Variants in CNTN4 observed in about 807,000 individuals in gnomAD.
CNTN4 encodes contactin-4.
CNTN4 carries 77 observed loss-of-function variants against 122.5 expected under a neutral mutation model. That is an observed-to-expected ratio of 0.63 (90% CI 0.52 to 0.76). CNTN4 has a LOEUF of 0.76. CNTN4 is among the 30% of genes least tolerant of loss of function. The probability of loss-of-function intolerance (pLI) is 0.00; values close to 1 mark genes in which losing one functional copy is unlikely to be tolerated. For missense variants in CNTN4, 1,256 were observed against 1,259.1 expected, an observed-to-expected ratio of 1.00 and a Z score of 0.04; for synonymous variants, 512 against 447.0, an observed-to-expected ratio of 1.15 and a Z score of -1.83.
intron 8 of CNTN4, among the ~76,000 whole-genome samples, chr3:2,879,440 G>A (rs2093882056): frequency 6.6e-6 from 1 of 152,076 alleles, no homozygotes; most frequent in African/African-American, 2.4e-5. Context: ...AGCATCTCTA[G>A]GAAACTAATA....
chr3:2,274,157 CA>C (rs2041408438), intron 2 of CNTN4, among the ~76,000 whole-genome samples: 1 of 152,012 alleles, frequency 6.6e-6, no homozygotes, highest in Non-Finnish European at 1.5e-5. Context: ...CCGAGGCAGA[CA>C]AATCACTTGA....
intron 7 of CNTN4, among the ~76,000 whole-genome samples, chr3:2,838,692 C>A (rs114238178): frequency 3.3e-5 from 5 of 152,126 alleles, no homozygotes; most frequent in African/African-American, 9.7e-5. Context: ...ACTAATGATT[C>A]CCTGCTGACT....
chr3:2,274,977 A>G (rs971810894), intron 2 of CNTN4, among the ~76,000 whole-genome samples: 1 of 152,228 alleles, frequency 6.6e-6, no homozygotes, highest in East Asian at 1.9e-4. Context: ...AGAATAAATT[A>G]CTGCAAATCC....
intron 3 of CNTN4, among the ~76,000 whole-genome samples, chr3:2,440,720 A>G (rs2048404082): frequency 6.6e-6 from 1 of 151,220 alleles, no homozygotes; most frequent in South Asian, 2.1e-4. Flanking sequence ...ACGTATGTAT[A>G]TACACACATA....
At chr3:2,485,190 C>T (rs2076118199) in intron 3 of CNTN4, among the ~76,000 whole-genome samples, 1 of 152,252 alleles carries the variant, frequency 6.6e-6, no homozygotes, top group Non-Finnish European at 1.5e-5. Context: ...GAGCCTCTCC[C>T]CCTGTGGCTG....
chr3:2,642,280 G>C (rs901415444), intron 4 of CNTN4, among the ~76,000 whole-genome samples: 5 of 152,178 alleles, frequency 3.3e-5, no homozygotes, highest in African/African-American at 9.7e-5. Context: ...GTTCAGTCTT[G>C]CTACACTCTG....
At chr3:2,765,556 A>G (rs543661703) in intron 6 of CNTN4, among the ~76,000 whole-genome samples, 5 of 152,296 alleles carry the variant, frequency 3.3e-5, no homozygotes, top group Admixed American at 2.6e-4. Context: ...CCTGCTGTGT[A>G]TTTTTAATTT....
At chr3:2,683,306 CAT>C (rs1266196832) in intron 4 of CNTN4, among the ~76,000 whole-genome samples, 1 of 145,642 alleles carries the variant, frequency 6.9e-6, no homozygotes, top group Middle Eastern at 3.2e-3. Context: ...CCCAAATCCA[CAT>C]CTCTCACCTG....
intron 3 of CNTN4, among the ~76,000 whole-genome samples, chr3:2,565,520 C>A (rs1016124127): frequency 6.6e-6 from 1 of 152,172 alleles, no homozygotes; most frequent in South Asian, 2.1e-4. Context: ...ACAGGACATA[C>A]AGATGACCTG....
chr3:2,405,595 GTAGATAGATAGA>G lies in CNTN4; in HGVS notation c.-89+66394_-89+66405del, dbSNP rs61138023. On this transcript the variant is annotated intron_variant, in intron 3 of 24. Coordinates refer to ENST00000418658, the MANE Select transcript of CNTN4 (RefSeq NM_175607.3). ...TGCGAACCCATACTGTTATAGATAG[GTAGATAGATAGA>G]TAGATAGATAGATAGATAGATAGAT... 7.6e-3 allele frequency among the ~76,000 whole-genome samples: 1,137 copies of G among 150,102 alleles called. 13 individuals carry two copies. The highest frequency in any genetic ancestry group is 0.024 in the African/African-American group (970 of 40,932).
chr3:2,372,961 C>G (rs1365062823), intron 3 of CNTN4, among the ~76,000 whole-genome samples: 1 of 152,138 alleles, frequency 6.6e-6, no homozygotes, highest in Non-Finnish European at 1.5e-5. Context: ...GCACAAGAAT[C>G]ACTTGAACCT....
chr3:2,833,260 A>G (rs2093141805), intron 7 of CNTN4, among the ~76,000 whole-genome samples: 1 of 152,256 alleles, frequency 6.6e-6, no homozygotes, highest in African/African-American at 2.4e-5. Flanking sequence ...GGGAGCTGGC[A>G]ATGATGAGAA....
chr3:2,458,175 A>G (rs1245872758), intron 3 of CNTN4, among the ~76,000 whole-genome samples: 3 of 152,168 alleles, frequency 2.0e-5, no homozygotes, highest in Non-Finnish European at 4.4e-5. Flanking sequence ...TTAGCTGGAG[A>G]TGTGCCTACA....
chr3:2,640,262 C>T (rs944168364), intron 4 of CNTN4, among the ~76,000 whole-genome samples: 1 of 152,158 alleles, frequency 6.6e-6, no homozygotes, highest in African/African-American at 2.4e-5. Context: ...ACATATTATA[C>T]ATGAAAACTG....
At chr3:2,542,037 C>G (rs933593189) in intron 3 of CNTN4, among the ~76,000 whole-genome samples, 1 of 152,140 alleles carries the variant, frequency 6.6e-6, no homozygotes, top group Non-Finnish European at 1.5e-5. Flanking sequence ...TGACCTGGTA[C>G]AGGACACTCT....
chr3:2,533,839 T>C (rs111713570), intron 3 of CNTN4, among the ~76,000 whole-genome samples: 2,054 of 152,322 alleles, frequency 0.013, 33 homozygotes, highest in African/African-American at 0.03. Context: ...GTGGTTTTGA[T>C]TTGCATTTCT....
At chr3:2,604,825 C>T (rs76463490) in intron 4 of CNTN4, among the ~76,000 whole-genome samples, 2,808 of 152,124 alleles carry the variant, frequency 0.018, 83 homozygotes, top group South Asian at 0.086. Flanking sequence ...TCTCCTGCCC[C>T]CTTGTTGTTG....
intron 3 of CNTN4, among the ~76,000 whole-genome samples, chr3:2,444,351 C>T (rs1460621533): frequency 2.0e-5 from 3 of 151,994 alleles, no homozygotes; most frequent in Non-Finnish European, 2.9e-5. Context: ...TATGCTGTTC[C>T]GGAGAGTCCT....
At chr3:2,713,317 A>T (rs1179173579) in intron 4 of CNTN4, among the ~76,000 whole-genome samples, 1 of 152,192 alleles carries the variant, frequency 6.6e-6, no homozygotes, top group Non-Finnish European at 1.5e-5. Flanking sequence ...TTCTGTGTTG[A>T]TGATTGCTGT....
Sources: allele counts gnomAD v4.1 joint callset (sites outside exome capture counted in the v4.1 genomes callset), GRCh38; gene constraint gnomAD v4.1.1; transcripts MANE v1.5; gene names NCBI Gene and HGNC (gene_info 2026-07-23, HGNC 2026-07-21).